SENP8: variants seen among roughly 807,000 people sequenced by gnomAD.
SENP8 encodes the protein SUMO peptidase family member, NEDD8 specific.
SENP8 carries 10 observed loss-of-function variants against 14.4 expected under a neutral mutation model. The ratio of observed to expected loss-of-function variants is 0.69; its 90% CI spans 0.43 to 1.18. The LOEUF (loss-of-function observed/expected upper bound fraction) is 1.18. Among genes scored for constraint, SENP8 ranks in the 50% most tolerant of loss-of-function variants. SENP8 has a pLI of 0.00. For synonymous variants in SENP8, 94 were observed against 95.5 expected, an observed-to-expected ratio of 0.98 and a Z score of 0.09; for missense variants, 202 against 249.4, an observed-to-expected ratio of 0.81 and a Z score of 1.28.
At chr15:72,139,433 T>C in intron 1 of SENP8, 144 bp from the exon 2 acceptor site, 5 of 699,664 alleles carry the variant, frequency 7.1e-6, no homozygotes, top group South Asian at 2.3e-5. Context: ...AGAAAATCCA[T>C]GTGTAAGTAG....
intron 1 of SENP8, among the ~76,000 whole-genome samples, chr15:72,130,377 A>G (rs2081261144): frequency 1.3e-5 from 2 of 152,150 alleles, no homozygotes; most frequent in Non-Finnish European, 2.9e-5. Context: ...AATAGTAAAT[A>G]TTTTAGACTT....
intron 1 of SENP8, among the ~76,000 whole-genome samples, chr15:72,127,916 C>T (rs1341088405): frequency 6.6e-6 from 1 of 152,006 alleles, no homozygotes; most frequent in East Asian, 1.9e-4. Context: ...TAGTGAGACC[C>T]TGCCTCTATA....
At position 72,139,767 on chromosome 15, in the gene SENP8, T is replaced by C. The variant is rs756311953; in HGVS notation, c.144T>C (p.Ser48=). The change falls in exon 2 of 2, where the codon TCT becomes TCC. Residue 48 remains serine (S), a synonymous_variant. Transcript: ENST00000340912. The part of the protein sequence containing the change: ...YFANSQFHDC[S]DHVSFISPEV... ...CCAACAGTCAGTTTCATGACTGCTC[T>C]GATCACGTCAGTTTCATCAGCCCTG... 8 of 1,614,090 alleles carry C rather than the reference T, an allele frequency of 5.0e-6. No individual in the cohort carries two copies. The East Asian group carries it at 1.1e-4, about 22-fold the overall frequency.
At chr15:72,116,294 T>C (rs1758035535), upstream of SENP8, among the ~76,000 whole-genome samples, 2 of 152,042 alleles carry the variant, frequency 1.3e-5, no homozygotes, top group Admixed American at 1.3e-4. Context: ...TTTTTTACTG[T>C]GTGTGTGTGT....
chr15:72,142,694 G>C lies in SENP8; in HGVS notation c.*2432G>C, dbSNP rs1481470413. On this transcript the variant is annotated 3_prime_UTR_variant, in exon 2 of 2. Coordinates refer to ENST00000340912, the MANE Select transcript of SENP8 (RefSeq NM_145204.4). ...ATATAAGTATCAGTGGGTTTCCTAT[G>C]TAATAGTGTTTAAAACACAAATATT... The C allele has an allele frequency of 6.6e-6, 1 of 152,182 alleles. No homozygotes were observed. Among genetic ancestry groups the C allele is most frequent in the African/African-American group, 2.4e-5 (1 of 41,456 alleles). The allele number at this position is 152,182 out of a possible 1,614,324, so 9.4% of individuals were successfully genotyped here. A position where few individuals can be genotyped will look rare whatever the true frequency, so the allele number is the denominator to read the frequency against.
Position 72,118,423 on chromosome 15 carries a change from G to A in SENP8, c.-89G>A, listed in dbSNP as rs981226311. 1 of 154,362 alleles carries A rather than the reference G, an allele frequency of 6.5e-6. No individual in the cohort carries two copies. Among genetic ancestry groups the A allele is most frequent in the African/African-American group, 2.4e-5 (1 of 41,676 alleles). The allele number at this position is 154,362 out of a possible 1,614,324, so 9.6% of individuals were successfully genotyped here. A position where few individuals can be genotyped will look rare whatever the true frequency, so the allele number is the denominator to read the frequency against. On this transcript the variant is annotated 5_prime_UTR_variant, in exon 1 of 2. Coordinates refer to ENST00000340912, the MANE Select transcript of SENP8 (RefSeq NM_145204.4). ...TAGCTGTCGCTTTCCGGCCAACACA[G>A]AGGTGCCTGAAGGCTGGTTGGGGTG...
At chr15:72,123,523 A>T (rs930034259) in intron 1 of SENP8, among the ~76,000 whole-genome samples, 3 of 151,972 alleles carry the variant, frequency 2.0e-5, no homozygotes, top group Non-Finnish European at 4.4e-5. Context: ...AAAAACTGTG[A>T]CACAATTACA....
At chr15:72,132,778 T>C (rs868492983) in intron 1 of SENP8, among the ~76,000 whole-genome samples, 5 of 151,702 alleles carry the variant, frequency 3.3e-5, no homozygotes, top group South Asian at 2.1e-4. Context: ...GATCACTTAC[T>C]GAGTCTTATT....
chr15:72,117,456 G>A (rs1421870185), upstream of SENP8, among the ~76,000 whole-genome samples: 1 of 152,170 alleles, frequency 6.6e-6, no homozygotes, highest in Non-Finnish European at 1.5e-5. Context: ...AATCTCCGGG[G>A]AGGCTGGAGG....
At chr15:72,119,063 G>A (rs2081113922) in intron 1 of SENP8, among the ~76,000 whole-genome samples, 1 of 152,208 alleles carries the variant, frequency 6.6e-6, no homozygotes, top group Non-Finnish European at 1.5e-5. Flanking sequence ...GATGGAAACC[G>A]TACTAGTGTA....
upstream of SENP8, chr15:72,117,896 G>A (rs1420524922): frequency 2.5e-6 from 1 of 398,392 alleles, no homozygotes; most frequent in Non-Finnish European, 4.4e-6. Flanking sequence ...GGCCTGAGCA[G>A]GCACATCCCC....
upstream of SENP8, chr15:72,118,190 C>T (rs1295184393): frequency 1.1e-5 from 4 of 360,266 alleles, no homozygotes; most frequent in Non-Finnish European, 5.0e-6. Flanking sequence ...ACGGGTCGGC[C>T]CCGCCCTGTC....
At position 72,137,432 on chromosome 15, in the gene SENP8, G is replaced by A. The variant is rs528369920; in HGVS notation, c.-47-2145G>A. On this transcript the variant is annotated intron_variant, in intron 1 of 1. Coordinates refer to ENST00000340912, the MANE Select transcript of SENP8 (RefSeq NM_145204.4). ...TACTACCTTTTAAAAGAAGTCAAAA[G>A]AAGTTCTAACTTATATTGTAAACAT... is the stretch of plus-strand genomic sequence containing the variant. Among the ~76,000 whole-genome samples the A allele has an allele frequency of 3.3e-5, 5 of 152,212 alleles. No individual in the cohort carries two copies. The South Asian group carries it at 1.0e-3, about 32-fold the overall frequency.
At chr15:72,118,716 G>C (rs1222556863) in intron 1 of SENP8, 2 of 152,276 alleles carry the variant, frequency 1.3e-5, no homozygotes, top group African/African-American at 4.8e-5. Context: ...TTGGGTTCCA[G>C]AATGTCAGAG....
intron 1 of SENP8, among the ~76,000 whole-genome samples, chr15:72,130,791 G>A (rs111956686): frequency 0.023 from 3,450 of 152,098 alleles, 128 homozygotes; most frequent in African/African-American, 0.08. Context: ...TCGAACTCCC[G>A]ACCTCAGGTG....
rs943715893 is a variant in SENP8 at position 72,142,005 on chromosome 15, G to A, written c.*1743G>A. 1.3e-5 allele frequency: 2 copies of A among 152,186 alleles called. No individual in the cohort carries two copies. The highest frequency in any genetic ancestry group is 2.9e-5 in the Non-Finnish European group (2 of 68,030). The allele number at this position is 152,186 out of a possible 1,614,324, so 9.4% of individuals were successfully genotyped here. On this transcript the variant is annotated 3_prime_UTR_variant, in exon 2 of 2. Coordinates refer to ENST00000340912, the MANE Select transcript of SENP8 (RefSeq NM_145204.4). ...TTATCTTTCTGACAATGCAAAGTATGTTTATTTAAATATCAGAGTATCTTC... is the reference window on the plus strand; with the variant it reads ...TTATCTTTCTGACAATGCAAAGTATATTTATTTAAATATCAGAGTATCTTC...
At chr15:72,119,837 A>G (rs149289839) in intron 1 of SENP8, among the ~76,000 whole-genome samples, 1,914 of 152,316 alleles carry the variant, frequency 0.013, 57 homozygotes, top group Admixed American at 0.057. Flanking sequence ...GTTTGGAATA[A>G]CTGGTCTGGG....
chr15:72,128,789 C>A (rs1245508274), intron 1 of SENP8, among the ~76,000 whole-genome samples: 1 of 152,172 alleles, frequency 6.6e-6, no homozygotes, highest in African/African-American at 2.4e-5. Flanking sequence ...AGATGCATCT[C>A]TGAGCATTTG....
At position 72,124,777 on chromosome 15, in the gene SENP8, A is replaced by T. The variant is rs548921645; in HGVS notation, c.-48+6313A>T. Among the ~76,000 whole-genome samples, 91 of 152,180 alleles carry T rather than the reference A, an allele frequency of 6.0e-4. No individual in the cohort carries two copies. The East Asian group carries it at 0.015, about 25-fold the overall frequency. On this transcript the variant is annotated intron_variant, in intron 1 of 1. Coordinates refer to ENST00000340912, the MANE Select transcript of SENP8 (RefSeq NM_145204.4). ...ATTTACTAATTATGTGTTCATTATT[A>T]AAAAAGGGGGAAAAATTAAAGCACA...
Sources: allele counts gnomAD v4.1 joint callset (sites outside exome capture counted in the v4.1 genomes callset), GRCh38; gene constraint gnomAD v4.1.1; transcripts MANE v1.5; gene names NCBI Gene and HGNC (gene_info 2026-07-23, HGNC 2026-07-21).